KIF18B: variants seen among roughly 807,000 people sequenced by gnomAD.
KIF18B encodes kinesin-like protein KIF18B.
A neutral mutation model predicts 80.9 loss-of-function variants in KIF18B; 49 were observed. That is an observed-to-expected ratio of 0.61 (90% CI 0.48 to 0.77). The LOEUF is 0.77. KIF18B is among the 30% of genes least tolerant of loss of function. The pLI is 0.00. For missense variants in KIF18B, 994 were observed against 1,127.7 expected, an observed-to-expected ratio of 0.88 and a Z score of 1.70; for synonymous variants, 439 against 463.9, an observed-to-expected ratio of 0.95 and a Z score of 0.69.
At position 44,935,362 on chromosome 17, in the gene KIF18B, T is replaced by G; in HGVS notation, c.368A>C (p.Glu123Ala). 2 of 1,613,130 alleles carry G rather than the reference T, an allele frequency of 1.2e-6. No individual in the cohort carries two copies. The highest frequency in any genetic ancestry group is 1.7e-6 in the Non-Finnish European group (2 of 1,179,456). ...CAGGTACATGATGCCGGGGTCCCCC[T>G]CCCTTCCCAGCATGGTGTGTGTCTT... ...AGKTHTMLGR[E>A]GDPGIMYLTT... Residue 123 changes from glutamate to alanine, a missense_variant, in exon 3 of 16, where the codon GAG becomes GCG. By Grantham distance (107) the Glu-to-Ala change is moderately radical. Coordinates refer to ENST00000593135, the MANE Select transcript of KIF18B (RefSeq NM_001265577.2).
At chr17:44,933,153 C>T (rs932677611) in intron 7 of KIF18B, among the ~76,000 whole-genome samples, 167 bp from the exon 8 acceptor site, 35 of 152,098 alleles carry the variant, frequency 2.3e-4, no homozygotes, top group African/African-American at 7.7e-4. Flanking sequence ...GAGACCACAG[C>T]GAGGGGCAGA....
intron 1 of KIF18B, among the ~76,000 whole-genome samples, chr17:44,936,741 G>A (rs1306549362): frequency 2.1e-5 from 3 of 140,016 alleles, no homozygotes; most frequent in Non-Finnish European, 1.5e-5. Context: ...CCAGGTTCAA[G>A]CGATTCCCCT....
chr17:44,931,867 C>T (rs1356112391), intron 10 of KIF18B, 138 bp from the exon 11 acceptor site: 6 of 1,270,332 alleles, frequency 4.7e-6, no homozygotes, highest in Admixed American at 4.7e-5. Context: ...CACTTCCAAA[C>T]ACACAAGGAT....
Position 44,934,851 on chromosome 17 carries a change from G to T in KIF18B, c.556C>A (p.Gln186Lys). The change falls in exon 4 of 16, where the codon CAA becomes AAA. Residue 186 changes from glutamine (Q) to lysine (K), a missense_variant. By Grantham distance (53) the Gln-to-Lys change is moderately conservative. Coordinates refer to ENST00000593135, the MANE Select transcript of KIF18B (RefSeq NM_001265577.2). The surrounding 1 kb of genome is among the most constrained non-coding windows in gnomAD (Gnocchi z 5.4). ...REDPDKGVVV[Q>K]GLSFHQPASA... ...CACACCTGGTGGAAAGAAAGTCCTT[G>T]CACCACCACCCCCTTGTCGGGGTCC... is the stretch of plus-strand genomic sequence containing the variant. The T allele has an allele frequency of 6.5e-7, 1 of 1,549,318 alleles. No individual in the cohort carries two copies. Among genetic ancestry groups the T allele is most frequent in the Non-Finnish European group, 8.7e-7 (1 of 1,145,040 alleles).
At chr17:44,936,657 T>TTGTA in intron 1 of KIF18B, among the ~76,000 whole-genome samples, 1 of 90,658 alleles carries the variant, frequency 1.1e-5, no homozygotes, top group South Asian at 4.0e-4. Flanking sequence ...TTTTTTTTTT[T>TTGTA]GAGACGGACT....
rs1298661926 is a variant in KIF18B at position 44,926,164 on chromosome 17, G to C, written c.2475C>G (p.Cys825Trp). Residue 825 changes from cysteine (C) to tryptophan (W), a missense_variant, in exon 16 of 16, where the codon TGC becomes TGG. Coordinates refer to ENST00000593135, the MANE Select transcript of KIF18B (RefSeq NM_001265577.2). ...CCTTTCCATTCCTCCGGTTGCTAGG[G>C]CACAGGGGACTCAAGGGCAGCTCTG... ...VLPELPLSPL[C>W]PSNRRNGKDL... The C allele has an allele frequency of 3.7e-6, 6 of 1,613,876 alleles. No individual in the cohort carries two copies.
intron 1 of KIF18B, among the ~76,000 whole-genome samples, chr17:44,945,647 G>A (rs932393700): frequency 1.1e-4 from 16 of 152,066 alleles, no homozygotes; most frequent in Admixed American, 1.0e-3. Flanking sequence ...GCTCACGCCT[G>A]TAATCTCAGT....
chr17:44,934,989 T>C lies in KIF18B; in HGVS notation c.472-54A>G, dbSNP rs2052250498. 1 of 1,299,962 alleles carries C rather than the reference T, an allele frequency of 7.7e-7. No homozygotes were observed. Among genetic ancestry groups the C allele is most frequent in the Non-Finnish European group, 1.1e-6 (1 of 935,694 alleles). 80.5% of individuals were successfully genotyped at this position (1,299,962 alleles called of 1,614,324 possible). ...AGGGAGAGCGGCCCATCAGGAAACCTCTCCCTAGCGGCTGGACAGGGGAGC... is the reference window on the plus strand; with the variant it reads ...AGGGAGAGCGGCCCATCAGGAAACCCCTCCCTAGCGGCTGGACAGGGGAGC... On this transcript the variant is annotated intron_variant, in intron 3 of 15. Transcript: ENST00000593135. The surrounding 1 kb of genome is among the most constrained non-coding windows in gnomAD (Gnocchi z 5.4).
chr17:44,929,641 A>G (rs189984822), intron 11 of KIF18B, among the ~76,000 whole-genome samples: 2 of 152,334 alleles, frequency 1.3e-5, no homozygotes, highest in Admixed American at 1.3e-4. Flanking sequence ...GACATGTAAT[A>G]AGCACTGTAG....
chr17:44,945,291 G>C (rs958720038), intron 1 of KIF18B, among the ~76,000 whole-genome samples: 9 of 152,126 alleles, frequency 5.9e-5, no homozygotes, highest in African/African-American at 2.2e-4. Flanking sequence ...GAACTCCTGG[G>C]CTCAAGCTGT....
rs2052063818 is a variant in KIF18B at position 44,928,006 on chromosome 17, A to C, written c.2276+20T>G. The C allele has an allele frequency of 2.6e-6, 4 of 1,509,444 alleles. No homozygotes were observed. The highest frequency in any genetic ancestry group is 2.8e-5 in the African/African-American group (2 of 71,478). 93.5% of individuals were successfully genotyped at this position (1,509,444 alleles called of 1,614,324 possible). A position where few individuals can be genotyped will look rare whatever the true frequency, so the allele number is the denominator to read the frequency against. On this transcript the variant is annotated intron_variant, in intron 13 of 15. Transcript: ENST00000593135. The stretch of plus-strand genomic sequence containing the variant: ...CACTGACCACTGACAGGAGGGGTGG[A>C]GCGAGACTGGGAGACCCACCTGGGG...
rs2051998044 is a variant in KIF18B at position 44,925,112 on chromosome 17, G to C, written c.*968C>G. 3 of 152,188 alleles carry C rather than the reference G, an allele frequency of 2.0e-5. No homozygotes were observed. The highest frequency in any genetic ancestry group is 4.4e-5 in the Non-Finnish European group (3 of 68,094). The allele number at this position is 152,188 out of a possible 1,614,324, so 9.4% of individuals were successfully genotyped here. On this transcript the variant is annotated 3_prime_UTR_variant, in exon 16 of 16. Coordinates refer to ENST00000593135, the MANE Select transcript of KIF18B (RefSeq NM_001265577.2). ...GTGGGGCCTGTGTTAGAGACAGGTGGGGAAAAGAGCCCAAGAGCCGTCTGC... is the reference window on the plus strand; with the variant it reads ...GTGGGGCCTGTGTTAGAGACAGGTGCGGAAAAGAGCCCAAGAGCCGTCTGC...
intron 1 of KIF18B, among the ~76,000 whole-genome samples, chr17:44,937,607 T>C (rs536256845): frequency 2.0e-5 from 3 of 152,328 alleles, no homozygotes; most frequent in Admixed American, 2.0e-4. Context: ...ACACGATATC[T>C]ACCATCCCCA....
intron 1 of KIF18B, among the ~76,000 whole-genome samples, chr17:44,943,169 G>A (rs2052450119): frequency 6.6e-6 from 1 of 151,722 alleles, no homozygotes; most frequent in African/African-American, 2.4e-5. Flanking sequence ...GCGCCATCTC[G>A]GCTCACTGCA....
Position 44,932,702 on chromosome 17 carries a change from T to C in KIF18B, c.1209A>G (p.Gly403=), listed in dbSNP as rs754028068. The C allele has an allele frequency of 1.2e-6, 2 of 1,612,360 alleles. No individual in the cohort carries two copies. The highest frequency in any genetic ancestry group is 8.5e-7 in the Non-Finnish European group (1 of 1,179,538). Reference sequence around the variant, plus strand: ...CTGGTGGTGGTCCCGACTTGGGAGATCCTGGGAGGTCCTGTGGTGGGGGCT... The same window carrying C: ...CTGGTGGTGGTCCCGACTTGGGAGACCCTGGGAGGTCCTGTGGTGGGGGCT... ...GGQPPPQDLP[G]SPKSGPPPEH... The change falls in exon 9 of 16, where the codon GGA becomes GGG. Residue 403 remains glycine (G), a synonymous_variant. Coordinates refer to ENST00000593135, the MANE Select transcript of KIF18B (RefSeq NM_001265577.2).
In KIF18B at chr17:44,934,881, G is replaced by A. The variant is rs376562808; in HGVS notation, c.526C>T (p.Arg176Cys). The change falls in exon 4 of 16, where the codon CGC becomes TGC. Residue 176 changes from arginine (R) to cysteine (C), a missense_variant. Arg to Cys is a radical substitution (Grantham distance 180). Coordinates refer to ENST00000593135, the MANE Select transcript of KIF18B (RefSeq NM_001265577.2). This position sits in a 1 kb window ranked among gnomAD's most constrained non-coding sequence, Gnocchi z 5.4. ...LLEPKGPLAI[R>C]EDPDKGVVVQ... is the part of the protein sequence containing the mutation. ...ACCACCCCCTTGTCGGGGTCCTCGC[G>A]GATGGCAAGGGGCCCCTTGGGCTCC... 1.4e-4 allele frequency: 224 copies of A among 1,551,806 alleles called. No homozygotes were observed. Among genetic ancestry groups the A allele is most frequent in the Non-Finnish European group, 1.8e-4 (210 of 1,146,814 alleles).
Position 44,935,031 on chromosome 17 carries a change from C to A in KIF18B, c.472-96G>T, listed in dbSNP as rs992764741. 13 of 963,556 alleles carry A rather than the reference C, an allele frequency of 1.3e-5. No homozygotes were observed. The Admixed American group carries it at 2.6e-4, about 20-fold the overall frequency. 59.7% of individuals were successfully genotyped at this position (963,556 alleles called of 1,614,324 possible). Reference sequence around the variant, plus strand: ...CAGGGGAGCTGAGGCCGGGATGTATCTGAGACACCCACAGAAGTGGCGCTT... The same window carrying A: ...CAGGGGAGCTGAGGCCGGGATGTATATGAGACACCCACAGAAGTGGCGCTT... On this transcript the variant is annotated intron_variant, in intron 3 of 15. Transcript: ENST00000593135.
Position 44,926,044 on chromosome 17 carries a change from G to A in KIF18B, c.*36C>T, listed in dbSNP as rs772276502. 8 of 1,612,822 alleles carry A rather than the reference G, an allele frequency of 5.0e-6. No individual in the cohort carries two copies. Among genetic ancestry groups the A allele is most frequent in the Non-Finnish European group, 5.9e-6 (7 of 1,179,046 alleles). ...GGGGTATCCAGCAGAGGGGCCGGTA[G>A]GTTAGGACACCTTGGTGGTCAGGAC... On this transcript the variant is annotated 3_prime_UTR_variant, in exon 16 of 16. Transcript: ENST00000593135.
At chr17:44,941,438 AAG>A (rs1555582260) in intron 1 of KIF18B, among the ~76,000 whole-genome samples, 2 of 151,044 alleles carry the variant, frequency 1.3e-5, no homozygotes, top group Non-Finnish European at 2.9e-5. Flanking sequence ...TCCCAGGTTC[AAG>A]GAATTCTTCT....
Sources: allele counts gnomAD v4.1 joint callset (sites outside exome capture counted in the v4.1 genomes callset), GRCh38; gene constraint gnomAD v4.1.1; non-coding constraint Gnocchi (gnomAD v3.1); transcripts MANE v1.5; gene names NCBI Gene and HGNC (gene_info 2026-07-23, HGNC 2026-07-21).